ACBD6: variants seen among roughly 807,000 people sequenced by gnomAD.
ACBD6 encodes acyl-CoA-binding domain-containing protein 6.
Under a neutral mutation model 37.2 loss-of-function variants are expected in ACBD6, and 28 were observed. That is an observed-to-expected ratio of 0.75 (90% CI 0.56 to 1.03). The LOEUF (loss-of-function observed/expected upper bound fraction) is 1.03, where lower values mean the gene tolerates loss of function less well. Among genes scored for constraint, ACBD6 ranks in the 50% least tolerant of loss-of-function variants. The probability of loss-of-function intolerance (pLI) is 0.00; values close to 1 mark genes in which losing one functional copy is unlikely to be tolerated. For missense variants in ACBD6, 340 were observed against 337.4 expected, an observed-to-expected ratio of 1.01 and a Z score of -0.06; for synonymous variants, 113 against 126.8, an observed-to-expected ratio of 0.89 and a Z score of 0.73.
At chr1:180,453,837 A>C (rs1008261809) in intron 3 of ACBD6, among the ~76,000 whole-genome samples, 2 of 152,224 alleles carry the variant, frequency 1.3e-5, no homozygotes, top group Non-Finnish European at 2.9e-5. Context: ...CTTACAAGGG[A>C]TGTGAAGGAC....
rs537690109 is a variant in ACBD6, at chr1:180,308,579, CT to C, written c.694+6112del. On this transcript the variant is annotated intron_variant, in intron 7 of 7. Transcript: ENST00000367595. ...GTCTGAAGCAGAGAAGCTTCTTTGT[CT>C]TCTTTTTACCAATAGGCCAACTTGT... Among the ~76,000 whole-genome samples, 7 of 152,180 alleles carry C rather than the reference CT, an allele frequency of 4.6e-5. No individual in the cohort carries two copies. In the South Asian group the frequency reaches 1.4e-3, roughly 31 times the overall value.
rs561704903 is a variant in ACBD6, at chr1:180,348,159, GA to G, written c.664-33438del. ...TGCACAAAAGAAAAATATAATGAAA[GA>G]AAAAATGAGAATATTAATATCCTAC... On this transcript the variant is annotated intron_variant, in intron 6 of 7. Coordinates refer to ENST00000367595, the MANE Select transcript of ACBD6 (RefSeq NM_032360.4). Among the ~76,000 whole-genome samples, 17 of 152,010 alleles carry G rather than the reference GA, an allele frequency of 1.1e-4. No individual in the cohort carries two copies. In the South Asian group the frequency reaches 2.5e-3, roughly 22 times the overall value.
intron 3 of ACBD6, among the ~76,000 whole-genome samples, chr1:180,472,296 A>G (rs1650600647): frequency 1.3e-5 from 2 of 152,188 alleles, no homozygotes; most frequent in South Asian, 2.1e-4. Context: ...GCAAAAAATT[A>G]TACTATGAAT....
intron 6 of ACBD6, among the ~76,000 whole-genome samples, chr1:180,347,241 C>T (rs1377349813): frequency 2.0e-5 from 3 of 151,154 alleles, no homozygotes; most frequent in African/African-American, 7.3e-5. Context: ...ATGTTAGGAA[C>T]GAAAGACGAA....
chr1:180,410,926 T>C (rs1647828104), intron 5 of ACBD6, among the ~76,000 whole-genome samples: 1 of 152,218 alleles, frequency 6.6e-6, no homozygotes, highest in Non-Finnish European at 1.5e-5. Context: ...CTGGAAAGGA[T>C]TCACCATTCC....
intron 6 of ACBD6, among the ~76,000 whole-genome samples, chr1:180,325,613 C>T (rs1345679167): frequency 6.6e-6 from 1 of 151,958 alleles, no homozygotes; most frequent in Non-Finnish European, 1.5e-5. Flanking sequence ...TGGATGATCT[C>T]GATGATTGTG....
At chr1:180,297,663 A>C (rs1649976636) in intron 7 of ACBD6, among the ~76,000 whole-genome samples, 2 of 152,176 alleles carry the variant, frequency 1.3e-5, no homozygotes, top group South Asian at 4.1e-4. Flanking sequence ...ATCTTTACCA[A>C]GGCCGAGGAT....
Position 180,274,733 on chromosome 1 carries a change from A to G in ACBD6, c.*854T>C, listed in dbSNP as rs747210761. On this transcript the variant is annotated 3_prime_UTR_variant, in exon 10 of 14. Transcript: ENST00000642319. ...CCGCTGATTCCTAGAAGGCTGTGAG[A>G]CCACACTAGGGCATTGTTTCCCTGG... 1.9e-5 allele frequency: 16 copies of G among 864,666 alleles called. No homozygotes were observed. Among genetic ancestry groups the G allele is most frequent in the African/African-American group, 5.1e-5 (3 of 58,960 alleles). The allele number at this position is 864,666 out of a possible 1,614,324, so 53.6% of individuals were successfully genotyped here. A position where few individuals can be genotyped will look rare whatever the true frequency, so the allele number is the denominator to read the frequency against.
rs1176106580 is a variant in ACBD6, at chr1:180,372,662, TG to T, written c.663+24853del. Among the ~76,000 whole-genome samples the T allele has an allele frequency of 1.3e-5, 2 of 152,134 alleles. 1 individual carries two copies. The highest frequency in any genetic ancestry group is 1.3e-4 in the Admixed American group (2 of 15,264). On this transcript the variant is annotated intron_variant, in intron 6 of 7. Transcript: ENST00000367595. Reference sequence around the variant, plus strand: ...AGAAGCTCCTCTGTCATGTAAAAAATGCATCCTTAGAGAATGTTCATTTGAT... The same window carrying T: ...AGAAGCTCCTCTGTCATGTAAAAAATCATCCTTAGAGAATGTTCATTTGAT...
At chr1:180,464,072 C>T (rs1474643107) in intron 3 of ACBD6, among the ~76,000 whole-genome samples, 2 of 152,162 alleles carry the variant, frequency 1.3e-5, no homozygotes, top group African/African-American at 4.8e-5. Context: ...TATGAGCCAT[C>T]TATGACAAAC....
chr1:180,494,700 T>G (rs899775108), intron 2 of ACBD6, among the ~76,000 whole-genome samples: 1 of 152,200 alleles, frequency 6.6e-6, no homozygotes, highest in Non-Finnish European at 1.5e-5. Context: ...TTATCTTTTT[T>G]CTTTTCTAAC....
In ACBD6 at chr1:180,492,352, C is replaced by T. The variant is rs1199715220; in HGVS notation, c.301G>A (p.Ala101Thr). Residue 101 changes from alanine to threonine, a missense_variant, in exon 3 of 8, where the codon GCA (alanine) becomes ACA (threonine). Ala to Thr is a moderately conservative substitution (Grantham distance 58). Transcript: ENST00000367595. ...EGKQKWEAWK[A>T]LGDSSPSQAM... Reference sequence around the variant, plus strand: ...TGGCTGGGGCTTGAATCACCAAGTGCTTTCCAAGCTTCCCTACAATATGGA... The same window carrying T: ...TGGCTGGGGCTTGAATCACCAAGTGTTTTCCAAGCTTCCCTACAATATGGA... 2 of 1,613,718 alleles carry T rather than the reference C, an allele frequency of 1.2e-6. No individual in the cohort carries two copies. The highest frequency in any genetic ancestry group is 1.7e-5 in the Admixed American group (1 of 59,980).
intron 4 of ACBD6, among the ~76,000 whole-genome samples, chr1:180,419,993 T>C (rs982115463): frequency 6.6e-6 from 1 of 152,228 alleles, no homozygotes; most frequent in Admixed American, 6.5e-5. Context: ...TGGGTGCCCA[T>C]ATCATAGAAG....
chr1:180,330,682 T>A (rs1055478921), intron 6 of ACBD6, among the ~76,000 whole-genome samples: 1 of 151,954 alleles, frequency 6.6e-6, no homozygotes, highest in African/African-American at 2.4e-5. Context: ...AGGCAACTGA[T>A]CAAATGTACA....
In ACBD6 at chr1:180,397,506, T is replaced by C; in HGVS notation, c.663+10A>G. ...TTTAAAAAATAAAAGCTCTTCTTTA[T>C]CACTCTTACCTGACAGTTAATGTCA... On this transcript the variant is annotated intron_variant, in intron 6 of 7. Coordinates refer to ENST00000367595, the MANE Select transcript of ACBD6 (RefSeq NM_032360.4). 2.5e-6 allele frequency: 4 copies of C among 1,608,204 alleles called. No homozygotes were observed. The highest frequency in any genetic ancestry group is 3.4e-6 in the Non-Finnish European group (4 of 1,174,596).
intron 3 of ACBD6, among the ~76,000 whole-genome samples, chr1:180,481,628 A>G (rs1651045340): frequency 6.6e-6 from 1 of 152,226 alleles, no homozygotes; most frequent in Non-Finnish European, 1.5e-5. Flanking sequence ...AGCATCCTAC[A>G]TATCTATATG....
chr1:180,299,812 T>C (rs1170993064), intron 7 of ACBD6, among the ~76,000 whole-genome samples: 2 of 152,098 alleles, frequency 1.3e-5, no homozygotes, highest in African/African-American at 4.8e-5. Context: ...AGGCCATTTA[T>C]AAGTAAGACC....
At chr1:180,351,704 T>C (rs933478734) in intron 6 of ACBD6, among the ~76,000 whole-genome samples, 1 of 151,704 alleles carries the variant, frequency 6.6e-6, no homozygotes, top group Non-Finnish European at 1.5e-5. Context: ...AAGTGGAACC[T>C]TCAAGTATTG....
chr1:180,443,724 C>T (rs1018321655), intron 3 of ACBD6, among the ~76,000 whole-genome samples: 6 of 151,882 alleles, frequency 4.0e-5, no homozygotes, highest in African/African-American at 7.3e-5. Flanking sequence ...ACCATTCTCC[C>T]GCCTCAGCCT....
Sources: gnomAD v4.1 joint callset for allele counts (sites outside exome capture counted in the v4.1 genomes callset) on GRCh38, gnomAD v4.1.1 for gene constraint, MANE v1.5 for transcripts, NCBI Gene and HGNC (gene_info 2026-07-23, HGNC 2026-07-21) for gene names.